The following FNDC3B variants were observed in gnomAD, a reference collection of about 807,000 sequenced individuals.
The protein encoded by FNDC3B is fibronectin type III domain containing 3B, also known as fibronectin type III domain-containing protein 3B.
Under a neutral mutation model 151.5 loss-of-function variants are expected in FNDC3B, and 12 were observed. The observed-to-expected ratio is 0.08, with a 90% CI of 0.05 to 0.13. The LOEUF is 0.13. Ranked by LOEUF, FNDC3B falls within the 10% of genes least tolerant of loss-of-function variation. The pLI, the probability that FNDC3B is intolerant of heterozygous loss-of-function variation, is 1.00. For missense variants in FNDC3B, 1,214 were observed against 1,505.3 expected, an observed-to-expected ratio of 0.81 and a Z score of 3.20; for synonymous variants, 528 against 549.0, an observed-to-expected ratio of 0.96 and a Z score of 0.54.
At chr3:172,356,814 G>A (rs990459262) in intron 22 of FNDC3B, among the ~76,000 whole-genome samples, 1 of 152,104 alleles carries the variant, frequency 6.6e-6, no homozygotes, top group Admixed American at 6.6e-5. Flanking sequence ...TAGGGCAGGG[G>A]TGTTGTAAAA....
chr3:172,302,998 A>G (rs1010881977), intron 9 of FNDC3B: 3 of 131,236 alleles, frequency 2.3e-5, no homozygotes, highest in East Asian at 2.1e-4. Context: ...AATAAATTGC[A>G]TTATATTTTA....
chr3:172,063,543 C>A (rs1390427628), intron 1 of FNDC3B, among the ~76,000 whole-genome samples: 2 of 152,202 alleles, frequency 1.3e-5, no homozygotes, highest in Admixed American at 6.5e-5. Context: ...CTTTCCCTTA[C>A]CAGGATTCTG....
chr3:172,239,115 G>T (rs912184735), intron 4 of FNDC3B, among the ~76,000 whole-genome samples: 6 of 151,104 alleles, frequency 4.0e-5, no homozygotes, highest in South Asian at 2.1e-4. Context: ...AACATTTACT[G>T]AAAGTCTTCT....
intron 3 of FNDC3B, among the ~76,000 whole-genome samples, chr3:172,165,788 C>A (rs140497865): frequency 4.6e-4 from 70 of 152,292 alleles, no homozygotes; most frequent in African/African-American, 1.5e-3. Context: ...AAATGAGAAA[C>A]TGCCAGGCAT....
At chr3:172,350,172 C>A (rs1010877176) in intron 21 of FNDC3B, among the ~76,000 whole-genome samples, 3 of 152,162 alleles carry the variant, frequency 2.0e-5, no homozygotes, top group Non-Finnish European at 2.9e-5. Flanking sequence ...GAAAGTGTAG[C>A]TCCTACTGTT....
intron 8 of FNDC3B, 79 bp from the exon 9 acceptor site, chr3:172,298,649 A>G (rs1187396077): frequency 1.2e-6 from 1 of 856,010 alleles, no homozygotes; most frequent in Non-Finnish European, 1.9e-6. Flanking sequence ...TTGTCAGTAC[A>G]TTACTGGACA....
At chr3:172,061,648 A>G (rs768686227) in intron 1 of FNDC3B, among the ~76,000 whole-genome samples, 92 of 152,194 alleles carry the variant, frequency 6.0e-4, no homozygotes, top group Non-Finnish European at 1.1e-3. Flanking sequence ...AAGGTTATAT[A>G]AAGCAAGAAT....
At chr3:172,287,082 C>T (rs1413522636) in intron 7 of FNDC3B, among the ~76,000 whole-genome samples, 2 of 152,162 alleles carry the variant, frequency 1.3e-5, no homozygotes, top group Admixed American at 6.5e-5. Flanking sequence ...TGCCTCCTCT[C>T]AGGAATTGCT....
At chr3:172,191,643 C>T (rs1724514301) in intron 3 of FNDC3B, among the ~76,000 whole-genome samples, 1 of 152,014 alleles carries the variant, frequency 6.6e-6, no homozygotes, top group African/African-American at 2.4e-5. Context: ...ACTACAGGTG[C>T]ATGCCACCAT....
intron 1 of FNDC3B, among the ~76,000 whole-genome samples, chr3:172,092,316 G>C (rs1210079070): frequency 6.6e-6 from 1 of 152,148 alleles, no homozygotes; most frequent in Non-Finnish European, 1.5e-5. Flanking sequence ...CTGAGCCCCT[G>C]TCATATGCTG....
intron 9 of FNDC3B, among the ~76,000 whole-genome samples, chr3:172,301,159 T>C (rs1730894722): frequency 1.3e-5 from 2 of 152,136 alleles, no homozygotes; most frequent in African/African-American, 2.4e-5. Flanking sequence ...CTCAGGAAAA[T>C]AGGATGAGAG....
At position 172,166,704 on chromosome 3, in the gene FNDC3B, A is replaced by G. The variant is rs113995180; in HGVS notation, c.187+33158A>G. Among the ~76,000 whole-genome samples, 730 of 151,684 alleles carry G rather than the reference A, an allele frequency of 4.8e-3. 6 individuals are homozygous for G. Among genetic ancestry groups the G allele is most frequent in the African/African-American group, 0.017 (698 of 41,376 alleles). The stretch of plus-strand genomic sequence containing the variant: ...CAGGAGTTTGAGGCTGCAGTGCCCT[A>G]TGATTGTGTCTGTGAATAGCCACTG... On this transcript the variant is annotated intron_variant, in intron 3 of 25. Coordinates refer to ENST00000415807, the MANE Select transcript of FNDC3B (RefSeq NM_022763.4).
chr3:172,361,600 A>G (rs994365759), intron 22 of FNDC3B, among the ~76,000 whole-genome samples: 1 of 152,120 alleles, frequency 6.6e-6, no homozygotes, highest in Non-Finnish European at 1.5e-5. Flanking sequence ...TTTGGTCATG[A>G]CCACTTATTC....
At chr3:172,334,654 C>G (rs1732857374) in intron 14 of FNDC3B, among the ~76,000 whole-genome samples, 2 of 152,164 alleles carry the variant, frequency 1.3e-5, no homozygotes, top group Non-Finnish European at 1.5e-5. Context: ...GTTGGTCAGG[C>G]TGGTCTCGAA....
intron 25 of FNDC3B, among the ~76,000 whole-genome samples, chr3:172,394,442 T>C (rs1736177275): frequency 1.3e-5 from 2 of 151,578 alleles, no homozygotes; most frequent in African/African-American, 2.4e-5. Flanking sequence ...ACCCCAGAAA[T>C]ACACAGGAAC....
intron 16 of FNDC3B, 55 bp from the exon 17 acceptor site, chr3:172,341,058 G>A (rs1278130151): frequency 1.7e-6 from 2 of 1,168,052 alleles, no homozygotes; most frequent in East Asian, 4.7e-5. Flanking sequence ...AGCAATGGCT[G>A]ATATGCTACA....
chr3:172,353,937 G>T (rs1332233734), intron 22 of FNDC3B, among the ~76,000 whole-genome samples: 1 of 139,330 alleles, frequency 7.2e-6, no homozygotes, highest in African/African-American at 2.7e-5. Flanking sequence ...AATAGCTTTA[G>T]AAAAGGCAAA....
chr3:172,376,788 A>G (rs544931836), intron 23 of FNDC3B, among the ~76,000 whole-genome samples: 3 of 151,960 alleles, frequency 2.0e-5, no homozygotes, highest in Non-Finnish European at 4.4e-5. Flanking sequence ...ACTTGATTGC[A>G]GAGGCTGATG....
chr3:172,189,977 T>G (rs1273665093), intron 3 of FNDC3B, among the ~76,000 whole-genome samples: 1 of 152,202 alleles, frequency 6.6e-6, no homozygotes, highest in Non-Finnish European at 1.5e-5. Flanking sequence ...CTGTTTTTAT[T>G]CCTATTGTGC....
Sources: gnomAD v4.1 joint callset for allele counts (sites outside exome capture counted in the v4.1 genomes callset) on GRCh38, gnomAD v4.1.1 for gene constraint, MANE v1.5 for transcripts, NCBI Gene and HGNC (gene_info 2026-07-23, HGNC 2026-07-21) for gene names.